GREB1: variants seen among roughly 807,000 people sequenced by gnomAD.
GREB1 encodes the protein growth regulating estrogen receptor binding 1, also known as protein GREB1.
In GREB1, 106 loss-of-function variants were observed where a neutral mutation model predicts 200.7. That is an observed-to-expected ratio of 0.53 (90% confidence interval 0.45 to 0.62). GREB1 has a LOEUF of 0.62. Ranked by LOEUF, GREB1 falls within the 20% of genes least tolerant of loss-of-function variation. The pLI, the probability that GREB1 is intolerant of heterozygous loss-of-function variation, is 0.00. For synonymous variants in GREB1, 1,132 were observed against 1,092.4 expected (o/e 1.04, Z -0.72); for missense variants, 2,243 against 2,556.8 (o/e 0.88, Z 2.65).
intron 1 of GREB1, among the ~76,000 whole-genome samples, chr2:11,516,548 T>G (rs1001985923): frequency 6.6e-6 from 1 of 152,158 alleles, no homozygotes; most frequent in Admixed American, 6.5e-5. Context: ...AGCTAATAAG[T>G]GACTCTTCTC....
intron 17 of GREB1, among the ~76,000 whole-genome samples, chr2:11,606,845 T>C (rs7570566): frequency 0.48 from 72,309 of 150,966 alleles, 17,745 homozygotes; most frequent in South Asian, 0.7. Flanking sequence ...TGCAGAGGCA[T>C]GATCTTGGCT....
Position 11,640,556 on chromosome 2 carries a change from AC to A in GREB1, c.*106del. 1.5e-6 allele frequency: 2 copies of A among 1,332,292 alleles called. No homozygotes were observed. The highest frequency in any genetic ancestry group is 2.1e-6 in the Non-Finnish European group (2 of 943,244). 82.5% of individuals were successfully genotyped at this position (1,332,292 alleles called of 1,614,324 possible). A position where few individuals can be genotyped will look rare whatever the true frequency, so the allele number is the denominator to read the frequency against. Reference sequence around the variant, plus strand: ...ACGGTGGGGCGTTTGACTGGAATGGACCCCAGGGACTGTCCAGGTGCAGCCC... The same window carrying A: ...ACGGTGGGGCGTTTGACTGGAATGGACCCAGGGACTGTCCAGGTGCAGCCC... On this transcript the variant is annotated 3_prime_UTR_variant, in exon 33 of 33. Coordinates refer to ENST00000381486, the MANE Select transcript of GREB1 (RefSeq NM_014668.4). The surrounding 1 kb of genome is among the most constrained non-coding windows in gnomAD (Gnocchi z 4.6).
intron 9 of GREB1, chr2:11,587,466 A>G (rs771674017): frequency 1.2e-6 from 2 of 1,613,174 alleles, no homozygotes; most frequent in South Asian, 1.1e-5. Context: ...GCGTGAATTC[A>G]TGGACCCATC....
intron 18 of GREB1, among the ~76,000 whole-genome samples, chr2:11,611,488 A>T (rs1378686470): frequency 1.3e-5 from 2 of 152,060 alleles, no homozygotes; most frequent in African/African-American, 4.8e-5. Context: ...AATTTTTAAA[A>T]TTTTTAAAAT....
At chr2:11,630,250 G>A (rs777157233) in intron 26 of GREB1, 141 bp downstream of exon 26, 131 of 705,164 alleles carry the variant, frequency 1.9e-4, no homozygotes, top group Non-Finnish European at 2.6e-4. Flanking sequence ...TGTCGCGCAC[G>A]GGCTCTGGAG....
intron 17 of GREB1, among the ~76,000 whole-genome samples, chr2:11,605,086 G>T (rs1682126042): frequency 7.0e-6 from 1 of 142,414 alleles, no homozygotes; most frequent in Non-Finnish European, 1.5e-5. Context: ...CACAGCTAGG[G>T]TACATTTCTG....
At chr2:11,564,649 G>A (rs534161582) in intron 3 of GREB1, among the ~76,000 whole-genome samples, 25 of 152,334 alleles carry the variant, frequency 1.6e-4, no homozygotes, top group African/African-American at 6.0e-4. Context: ...GGACCACACT[G>A]GGCTGGGAGG....
chr2:11,577,725 C>T (rs982084173), intron 5 of GREB1, among the ~76,000 whole-genome samples: 6 of 152,194 alleles, frequency 3.9e-5, no homozygotes, highest in African/African-American at 7.2e-5. Flanking sequence ...GCTCTGGGCA[C>T]GCCCCCCTCA....
intron 30 of GREB1, 69 bp downstream of exon 30, chr2:11,635,474 G>C (rs1170707212): frequency 2.0e-6 from 3 of 1,525,124 alleles, no homozygotes; most frequent in African/African-American, 1.4e-5. Context: ...CACACTGAGG[G>C]TAGGAGCCAT....
intron 1 of GREB1, among the ~76,000 whole-genome samples, chr2:11,502,607 T>C (rs150476896): frequency 6.6e-6 from 1 of 152,176 alleles, no homozygotes; most frequent in East Asian, 1.9e-4. Flanking sequence ...TTATCTTTAT[T>C]TGGATAAACT....
In GREB1 at chr2:11,610,886, C is replaced by T; in HGVS notation, c.2865C>T (p.Pro955=). The change falls in exon 18 of 33, where the codon CCC becomes CCT. Residue 955 remains proline (P), a synonymous_variant. Transcript: ENST00000381486. ...GHGLMVLLRV[P]CSPLAVVAYE... The stretch of plus-strand genomic sequence containing the variant: ...GGCTCATGGTCCTGCTGCGGGTGCC[C>T]TGTTCGCCCCTGGCGGTGGTGGCCT... 2 of 1,613,124 alleles carry T rather than the reference C, an allele frequency of 1.2e-6. No individual in the cohort carries two copies. The highest frequency in any genetic ancestry group is 2.7e-5 in the African/African-American group (2 of 75,068).
intron 25 of GREB1, among the ~76,000 whole-genome samples, chr2:11,627,579 A>C (rs73915446): frequency 6.6e-6 from 1 of 152,248 alleles, no homozygotes. Context: ...AGGAATTTGC[A>C]TTTATTGAGC....
intron 2 of GREB1, among the ~76,000 whole-genome samples, chr2:11,560,839 A>G (rs1676947242): frequency 6.6e-6 from 1 of 152,176 alleles, no homozygotes; most frequent in African/African-American, 2.4e-5. Flanking sequence ...GTTGAGAAAG[A>G]TTTTTACCCC....
At position 11,483,909 on chromosome 2, in the gene GREB1, T is replaced by A. The variant is rs1055801271; in HGVS notation, c.-159+1528T>A. 5.3e-5 allele frequency among the ~76,000 whole-genome samples: 8 copies of A among 152,358 alleles called. No individual in the cohort carries two copies. The South Asian group carries it at 1.7e-3, about 32-fold the overall frequency. On this transcript the variant is annotated intron_variant, in intron 1 of 2. Transcript: ENST00000628795. ...CTTTAATAAACTTTTATTAGAGAGT[T>A]AAGTGTTACTTCAGGGCTTGAAAGA...
chr2:11,516,823 C>T (rs1309764683), intron 1 of GREB1, among the ~76,000 whole-genome samples: 1 of 152,222 alleles, frequency 6.6e-6, no homozygotes, highest in African/African-American at 2.4e-5. Flanking sequence ...TGCTAACAGG[C>T]TCTCACTGGA....
At chr2:11,549,275 T>A (rs1377085696) in intron 1 of GREB1, among the ~76,000 whole-genome samples, 1 of 152,210 alleles carries the variant, frequency 6.6e-6, no homozygotes, top group Admixed American at 6.5e-5. Flanking sequence ...GAGTTTATTT[T>A]CTAATAGAAT....
In GREB1 at chr2:11,640,162, G is replaced by A. The variant is rs963694640; in HGVS notation, c.5687-129G>A. The A allele has an allele frequency of 1.6e-5, 13 of 788,388 alleles. No homozygotes were observed. The Admixed American group carries it at 1.7e-4, about 10-fold the overall frequency. The allele number at this position is 788,388 out of a possible 1,614,324, so 48.8% of individuals were successfully genotyped here. ...ATCATCCCGAAAGAAGCAAGGGGCCGACTTGGATGCCGCTTCTGCCCTTCC... is the reference window on the plus strand; with the variant it reads ...ATCATCCCGAAAGAAGCAAGGGGCCAACTTGGATGCCGCTTCTGCCCTTCC... On this transcript the variant is annotated intron_variant, in intron 32 of 32. Coordinates refer to ENST00000381486, the MANE Select transcript of GREB1 (RefSeq NM_014668.4). The surrounding 1 kb of genome is among the most constrained non-coding windows in gnomAD (Gnocchi z 4.6).
chr2:11,571,136 T>G (rs965039529), intron 4 of GREB1, among the ~76,000 whole-genome samples: 4 of 152,220 alleles, frequency 2.6e-5, no homozygotes, highest in African/African-American at 9.6e-5. Context: ...GTTTTGTTTT[T>G]TCTTTTTTTC....
At chr2:11,581,294 A>G (rs1558579570) in intron 7 of GREB1, 2 of 464,400 alleles carry the variant, frequency 4.3e-6, no homozygotes. Context: ...AGGGTTGTTA[A>G]GAGGGATGAG....
Sources: allele counts gnomAD v4.1 joint callset (sites outside exome capture counted in the v4.1 genomes callset), GRCh38; gene constraint gnomAD v4.1.1; non-coding constraint Gnocchi (gnomAD v3.1); transcripts MANE v1.5; gene names NCBI Gene and HGNC (gene_info 2026-07-23, HGNC 2026-07-21).